BCKDHB: variants seen among roughly 807,000 people sequenced by gnomAD.
The protein encoded by BCKDHB is branched chain keto acid dehydrogenase E1 subunit beta.
In BCKDHB, 41 loss-of-function variants were observed where a neutral mutation model predicts 48.5. That is an observed-to-expected ratio of 0.85 (90% CI 0.66 to 1.10). The LOEUF (loss-of-function observed/expected upper bound fraction) is 1.10. BCKDHB is among the 50% of genes least tolerant of loss of function. The probability of loss-of-function intolerance (pLI) is 0.00; values close to 1 mark genes in which losing one functional copy is unlikely to be tolerated. For synonymous variants in BCKDHB, 201 were observed against 174.8 expected, an observed-to-expected ratio of 1.15 and a Z score of -1.18; for missense variants, 496 against 494.2, an observed-to-expected ratio of 1.00 and a Z score of -0.03.
At chr6:80,329,298 G>A (rs1417915964) in intron 9 of BCKDHB, among the ~76,000 whole-genome samples, 1 of 151,946 alleles carries the variant, frequency 6.6e-6, no homozygotes, top group Non-Finnish European at 1.5e-5. Flanking sequence ...AAAAACATAG[G>A]ATCTGCTCAT....
In BCKDHB at chr6:80,322,246, T is replaced by G. The variant is rs553808527; in HGVS notation, c.1039-21418T>G. Among the ~76,000 whole-genome samples, 77 of 112,974 alleles carry G rather than the reference T, an allele frequency of 6.8e-4. No homozygotes were observed. In the South Asian group the frequency reaches 0.018, roughly 27 times the overall value. 74.1% of individuals were successfully genotyped at this position (112,974 alleles called of 152,430 possible). ...TTTTCTTTCTTTCTTTTCTTTTTTTTTTTTTTTTTGGTGACGGAGTCGCAC... is the reference window on the plus strand; with the variant it reads ...TTTTCTTTCTTTCTTTTCTTTTTTTGTTTTTTTTTGGTGACGGAGTCGCAC... On this transcript the variant is annotated intron_variant, in intron 9 of 9. Transcript: ENST00000320393.
chr6:80,216,806 A>G (rs1307095726), intron 8 of BCKDHB, among the ~76,000 whole-genome samples: 1 of 152,122 alleles, frequency 6.6e-6, no homozygotes, highest in Admixed American at 6.5e-5. Context: ...ACGAAATTGT[A>G]TTTATTCTGT....
intron 8 of BCKDHB, among the ~76,000 whole-genome samples, chr6:80,210,135 C>CAAAAAAAAAAAAAAAAAAAAAAAAAAAA (rs61476553): frequency 8.8e-6 from 1 of 113,010 alleles, no homozygotes; most frequent in African/African-American, 3.3e-5. Context: ...AAGAAATATA[C>CAAAAAAAAAAAAAAAAAAAAAAAAAAAA]AAAAAAAAAA....
At chr6:80,207,263 A>G (rs1190544352) in intron 8 of BCKDHB, among the ~76,000 whole-genome samples, 3 of 151,920 alleles carry the variant, frequency 2.0e-5, no homozygotes, top group African/African-American at 7.2e-5. Flanking sequence ...TAAAAACACA[A>G]AAGCTAGGGG....
chr6:80,394,742 G>C, the BCKDHB span, among the ~76,000 whole-genome samples: 1 of 152,126 alleles, frequency 6.6e-6, no homozygotes, highest in Non-Finnish European at 1.5e-5. Flanking sequence ...CCTCAGTAAG[G>C]GAGTAGTCTA....
intron 9 of BCKDHB, among the ~76,000 whole-genome samples, chr6:80,329,450 C>G (rs961676326): frequency 1.3e-5 from 2 of 152,134 alleles, no homozygotes; most frequent in Non-Finnish European, 2.9e-5. Context: ...TGTAATGCTT[C>G]CTAGCTACCC....
At chr6:80,230,023 G>GTTTTTTTTTTTTTTTTTTTTTTTTTTT in intron 8 of BCKDHB, among the ~76,000 whole-genome samples, 1 of 89,510 alleles carries the variant, frequency 1.1e-5, no homozygotes, top group Admixed American at 1.1e-4. Flanking sequence ...GGGTTTTTAG[G>GTTTTTTTTTTTTTTTTTTTTTTTTTTT]TTGTTTTTTT....
rs534343227 is a variant in BCKDHB, at chr6:80,269,995, T to C, written c.952-3140T>C. ...TATGTACTTTAATCAGAATATCTAATTAAAATAGACAGAATAGAAAGAAAT... is the reference window on the plus strand; with the variant it reads ...TATGTACTTTAATCAGAATATCTAACTAAAATAGACAGAATAGAAAGAAAT... On this transcript the variant is annotated intron_variant, in intron 8 of 9. Transcript: ENST00000320393. Among the ~76,000 whole-genome samples, 17 of 152,210 alleles carry C rather than the reference T, an allele frequency of 1.1e-4. No homozygotes were observed. The South Asian group carries it at 1.4e-3, about 13-fold the overall frequency.
At chr6:80,312,615 G>GT (rs1768226938) in intron 9 of BCKDHB, among the ~76,000 whole-genome samples, 1 of 152,128 alleles carries the variant, frequency 6.6e-6, no homozygotes, top group Non-Finnish European at 1.5e-5. Context: ...TCAGTACCTT[G>GT]TTTATTGAGC....
the BCKDHB span, among the ~76,000 whole-genome samples, chr6:80,391,502 C>A: frequency 6.6e-6 from 1 of 152,028 alleles, no homozygotes; most frequent in Non-Finnish European, 1.5e-5. Context: ...CAAGGAGCAC[C>A]GAGGATTGCC....
At chr6:80,184,992 G>C (rs1454833610) in intron 6 of BCKDHB, among the ~76,000 whole-genome samples, 1 of 152,160 alleles carries the variant, frequency 6.6e-6, no homozygotes, top group African/African-American at 2.4e-5. Context: ...CTCTAGCAAG[G>C]ACAGGGAAGT....
intron 3 of BCKDHB, among the ~76,000 whole-genome samples, chr6:80,159,382 T>C (rs1282285392): frequency 6.6e-6 from 1 of 152,162 alleles, no homozygotes; most frequent in Non-Finnish European, 1.5e-5. Context: ...ATCTGTTAAT[T>C]ATTTTTAGTA....
intron 9 of BCKDHB, among the ~76,000 whole-genome samples, chr6:80,280,444 G>C (rs2127974068): frequency 6.6e-6 from 1 of 152,270 alleles, no homozygotes; most frequent in South Asian, 2.1e-4. Context: ...TAAAAAGCTA[G>C]TCACAGACTG....
At chr6:80,346,288 C>T (rs1406677955), downstream of BCKDHB, 3 of 151,120 alleles carry the variant, frequency 2.0e-5, no homozygotes, top group Non-Finnish European at 4.4e-5. Flanking sequence ...TGTATGTGTT[C>T]TTTTTTTTTC....
At chr6:80,389,460 G>A in the BCKDHB span, among the ~76,000 whole-genome samples, 40 of 152,318 alleles carry the variant, frequency 2.6e-4, no homozygotes, top group Non-Finnish European at 5.7e-4. Context: ...AAAGGGCAGA[G>A]GTTTGTCCTC....
intron 3 of BCKDHB, among the ~76,000 whole-genome samples, chr6:80,161,131 T>C (rs1753849754): frequency 6.6e-6 from 1 of 152,162 alleles, no homozygotes; most frequent in Non-Finnish European, 1.5e-5. Context: ...AGCACTTTGA[T>C]TGATATAGAT....
At chr6:80,377,040 A>ATTTTTT in the BCKDHB span, among the ~76,000 whole-genome samples, 1 of 133,278 alleles carries the variant, frequency 7.5e-6, no homozygotes, top group African/African-American at 2.8e-5. Context: ...AAGGCTTTTA[A>ATTTTTT]TTTTTTTTTT....
At chr6:80,187,100 C>G (rs1773678710) in intron 6 of BCKDHB, among the ~76,000 whole-genome samples, 1 of 152,156 alleles carries the variant, frequency 6.6e-6, no homozygotes. Context: ...ACTGTTCTGT[C>G]TGTCCAAATG....
chr6:80,147,991 T>G (rs1381161530), intron 3 of BCKDHB, among the ~76,000 whole-genome samples: 1 of 152,108 alleles, frequency 6.6e-6, no homozygotes, highest in Non-Finnish European at 1.5e-5. Context: ...GTTGTTACAA[T>G]TAGGAGGCCA....
Sources: gnomAD v4.1 joint callset for allele counts (sites outside exome capture counted in the v4.1 genomes callset) on GRCh38, gnomAD v4.1.1 for gene constraint, MANE v1.5 for transcripts, NCBI Gene and HGNC (gene_info 2026-07-23, HGNC 2026-07-21) for gene names.